Variants in DACH2 observed in about 807,000 individuals in gnomAD.
The protein encoded by DACH2 is dachshund family transcription factor 2.
A neutral mutation model predicts 35.8 loss-of-function variants in DACH2; 17 were observed. That is an observed-to-expected ratio of 0.48 (90% CI 0.33 to 0.71). The LOEUF is 0.71. DACH2 is among the 30% of genes least tolerant of loss of function. The probability of loss-of-function intolerance (pLI) is 0.02; values close to 1 mark genes in which losing one functional copy is unlikely to be tolerated. For synonymous variants in DACH2, 195 were observed against 177.3 expected, an observed-to-expected ratio of 1.10 and a Z score of -0.79; for missense variants, 469 against 472.7, an observed-to-expected ratio of 0.99 and a Z score of 0.07.
chrX:86,570,975 A>G (rs1189197127), intron 3 of DACH2, among the ~76,000 whole-genome samples: 3 of 111,022 alleles, frequency 2.7e-5, no homozygotes, highest in Non-Finnish European at 3.8e-5. Flanking sequence ...TTTTTATTTT[A>G]TAGTTTGTGA....
At chrX:86,617,930 A>T (rs1475237722) in intron 3 of DACH2, among the ~76,000 whole-genome samples, 2 of 112,379 alleles carry the variant, frequency 1.8e-5, no homozygotes, top group East Asian at 5.5e-4. Context: ...TGAGATAGCA[A>T]CTTTTAGTTC....
At chrX:86,345,016 TG>T (rs2035474103) in intron 1 of DACH2, among the ~76,000 whole-genome samples, 1 of 112,410 alleles carries the variant, frequency 8.9e-6, no homozygotes, top group Non-Finnish European at 1.9e-5. Flanking sequence ...CTTACTTGAA[TG>T]AGCAGTATTA....
At chrX:86,830,079 G>A (rs1010602484) in intron 11 of DACH2, 1 of 111,719 alleles carries the variant, frequency 9.0e-6, no homozygotes, top group African/African-American at 3.2e-5. Flanking sequence ...TTAAAATTCA[G>A]CTACTACTCC....
At chrX:86,349,541 C>T (rs769993571) in intron 1 of DACH2, among the ~76,000 whole-genome samples, 146 of 112,341 alleles carry the variant, frequency 1.3e-3, no homozygotes, top group Non-Finnish European at 2.4e-3. Flanking sequence ...CGCCAGGGAC[C>T]GTGCCCTTCT....
chrX:86,815,210 C>T (rs998086631), intron 10 of DACH2, among the ~76,000 whole-genome samples: 1 of 111,600 alleles, frequency 9.0e-6, no homozygotes, highest in Non-Finnish European at 1.9e-5. Context: ...CTATACAATG[C>T]TTGTTCCTTT....
intron 2 of DACH2, among the ~76,000 whole-genome samples, chrX:86,491,968 C>T (rs1428297913): frequency 4.5e-5 from 5 of 111,500 alleles, no homozygotes; most frequent in Non-Finnish European, 5.7e-5. Flanking sequence ...TCAACATACC[C>T]TATCTATATT....
At chrX:86,643,029 A>C (rs1006750994) in intron 3 of DACH2, among the ~76,000 whole-genome samples, 2 of 110,823 alleles carry the variant, frequency 1.8e-5, no homozygotes, top group African/African-American at 6.6e-5. Context: ...TAACAATCTA[A>C]TTTCACAACA....
At chrX:86,605,162 G>A (rs1325477731) in intron 3 of DACH2, among the ~76,000 whole-genome samples, 9 of 111,534 alleles carry the variant, frequency 8.1e-5, no homozygotes, top group Non-Finnish European at 1.5e-4. Context: ...GTTCCAATTT[G>A]TTACATCAGC....
chrX:86,432,466 C>T (rs1276686436), intron 2 of DACH2, among the ~76,000 whole-genome samples: 1 of 111,915 alleles, frequency 8.9e-6, no homozygotes, highest in East Asian at 2.8e-4. Context: ...ATGTAGTTCC[C>T]TCCATAGTCT....
At chrX:86,500,024 C>T (rs148161037) in intron 2 of DACH2, among the ~76,000 whole-genome samples, 156 of 111,572 alleles carry the variant, frequency 1.4e-3, no homozygotes, top group African/African-American at 4.9e-3. Context: ...CAAGTGGGTA[C>T]AAGCTGGTTT....
chrX:86,346,393 C>T (rs1003120965), intron 1 of DACH2, among the ~76,000 whole-genome samples: 4 of 107,416 alleles, frequency 3.7e-5, no homozygotes, highest in Admixed American at 1.0e-4. Context: ...CTTAGAGTTT[C>T]GGATTTTATA....
chrX:86,576,226 A>T (rs900112230), intron 3 of DACH2, among the ~76,000 whole-genome samples: 3 of 111,754 alleles, frequency 2.7e-5, no homozygotes, highest in African/African-American at 9.7e-5. Flanking sequence ...ACTGTAAGAG[A>T]GGCAAAAAAA....
intron 1 of DACH2, among the ~76,000 whole-genome samples, chrX:86,167,499 A>T (rs1009780610): frequency 5.4e-5 from 6 of 110,632 alleles, no homozygotes; most frequent in Non-Finnish European, 1.1e-4. Context: ...TAACAAATCA[A>T]TTTTTTTGTT....
intron 2 of DACH2, among the ~76,000 whole-genome samples, chrX:86,412,028 T>C (rs2036623146): frequency 9.0e-6 from 1 of 111,714 alleles, no homozygotes; most frequent in South Asian, 3.8e-4. Context: ...TACTCTTCCT[T>C]ACCTCCATTG....
intron 1 of DACH2, among the ~76,000 whole-genome samples, chrX:86,234,243 G>A (rs1346922322): frequency 8.9e-6 from 1 of 111,855 alleles, no homozygotes; most frequent in Non-Finnish European, 1.9e-5. Flanking sequence ...AATGAGTGGT[G>A]ACCACATCAA....
chrX:86,381,664 C>T (rs888501051), intron 2 of DACH2, among the ~76,000 whole-genome samples: 3 of 110,957 alleles, frequency 2.7e-5, no homozygotes, highest in African/African-American at 9.8e-5. Context: ...ATCTATGATA[C>T]GTATCTTTCC....
At chrX:86,586,902 T>A (rs916660718) in intron 3 of DACH2, among the ~76,000 whole-genome samples, 1 of 111,624 alleles carries the variant, frequency 9.0e-6, no homozygotes, top group South Asian at 3.7e-4. Flanking sequence ...GGCTATTAGG[T>A]ATCTCTTCAA....
At chrX:86,230,695 CT>C (rs771529954) in intron 1 of DACH2, among the ~76,000 whole-genome samples, 1 of 111,398 alleles carries the variant, frequency 9.0e-6, no homozygotes, top group African/African-American at 3.3e-5. Context: ...GTATGTAATT[CT>C]TCCTGATTTG....
intron 5 of DACH2, among the ~76,000 whole-genome samples, chrX:86,701,051 T>C (rs2041136709): frequency 9.0e-6 from 1 of 110,804 alleles, no homozygotes; most frequent in Non-Finnish European, 1.9e-5. Context: ...CCAAAACCAG[T>C]AAAAGGTAAA....
Sources: gnomAD v4.1 joint callset for allele counts (sites outside exome capture counted in the v4.1 genomes callset) on GRCh38, gnomAD v4.1.1 for gene constraint, MANE v1.5 for transcripts, NCBI Gene and HGNC (gene_info 2026-07-23, HGNC 2026-07-21) for gene names.